The following TMEM131 variants were observed in gnomAD, a reference collection of about 807,000 sequenced individuals.
TMEM131 encodes the protein 2610524E03Rik.
TMEM131 carries 66 observed loss-of-function variants against 211.6 expected under a neutral mutation model. That is an observed-to-expected ratio of 0.31 (90% CI 0.26 to 0.38). The LOEUF (loss-of-function observed/expected upper bound fraction) is 0.38, where lower values mean the gene tolerates loss of function less well. Among genes scored for constraint, TMEM131 ranks in the 10% least tolerant of loss-of-function variants. TMEM131 has a pLI of 1.00. For synonymous variants in TMEM131, 844 were observed against 841.3 expected, an observed-to-expected ratio of 1.00 and a Z score of -0.06; for missense variants, 2,036 against 2,299.3, an observed-to-expected ratio of 0.89 and a Z score of 2.34.
intron 3 of TMEM131, among the ~76,000 whole-genome samples, chr2:97,898,454 T>C (rs1675710305): frequency 6.6e-6 from 1 of 152,070 alleles, no homozygotes; most frequent in East Asian, 1.9e-4. Context: ...TAAGGTTAAA[T>C]GAGGTTATAA....
chr2:97,795,076 T>A lies in TMEM131; in HGVS notation c.3240A>T (p.Glu1080Asp), dbSNP rs773246730. Reference sequence around the variant, plus strand: ...AGCCACTGGTTGTTATAAACTTCAGTTCCCGAATAACTCTAGAAGCTGTAA... The same window carrying A: ...AGCCACTGGTTGTTATAAACTTCAGATCCCGAATAACTCTAGAAGCTGTAA... The part of the protein sequence containing the change: ...PDFTASRVIR[E>D]LKFITTSGSE... The change falls in exon 29 of 41, where the codon GAA becomes GAT. Residue 1080 changes from glutamate (E) to aspartate (D), a missense_variant. Glu to Asp is a conservative substitution (Grantham distance 45, BLOSUM62 2). Coordinates refer to ENST00000186436, the MANE Select transcript of TMEM131 (RefSeq NM_015348.2). 8 of 1,613,868 alleles carry A rather than the reference T, an allele frequency of 5.0e-6. No individual in the cohort carries two copies. In the South Asian group the frequency reaches 7.7e-5, roughly 16 times the overall value.
chr2:97,783,478 G>A (rs932101638), intron 31 of TMEM131, among the ~76,000 whole-genome samples: 1 of 152,180 alleles, frequency 6.6e-6, no homozygotes, highest in East Asian at 1.9e-4. Flanking sequence ...AATGTATGTA[G>A]AGGAAATATT....
chr2:97,882,821 G>C (rs1268008875), intron 4 of TMEM131, among the ~76,000 whole-genome samples: 3 of 152,152 alleles, frequency 2.0e-5, no homozygotes, highest in African/African-American at 7.2e-5. Flanking sequence ...TACTTCTACA[G>C]ATCCACTTCT....
rs146591924 is a variant in TMEM131, at chr2:97,812,408, A to G, written c.1863+13T>C. On this transcript the variant is annotated intron_variant, in intron 17 of 40. Transcript: ENST00000186436. The stretch of plus-strand genomic sequence containing the variant: ...CCATCTTACTTTAAGGAGACAATAG[A>G]AAGTTTACTTACCGATGATTGATCT... The G allele has an allele frequency of 5.6e-6, 9 of 1,595,536 alleles. No individual in the cohort carries two copies. The highest frequency in any genetic ancestry group is 6.8e-6 in the Non-Finnish European group (8 of 1,174,256).
At chr2:97,850,469 G>A (rs913319096) in intron 5 of TMEM131, among the ~76,000 whole-genome samples, 2 of 152,134 alleles carry the variant, frequency 1.3e-5, no homozygotes, top group African/African-American at 4.8e-5. Flanking sequence ...TTCCTTGGTA[G>A]TGTTGAGACC....
chr2:97,854,669 G>T (rs977011747), intron 5 of TMEM131, among the ~76,000 whole-genome samples: 1 of 152,174 alleles, frequency 6.6e-6, no homozygotes, highest in African/African-American at 2.4e-5. Context: ...ACCATAGTTT[G>T]TAAGACCCTT....
At position 97,812,475 on chromosome 2, in the gene TMEM131, T is replaced by G. The variant is rs1320138943; in HGVS notation, c.1809A>C (p.Thr603=). Residue 603 remains threonine, a synonymous_variant, in exon 17 of 41, where the codon ACA becomes ACC. Coordinates refer to ENST00000186436, the MANE Select transcript of TMEM131 (RefSeq NM_015348.2). Reference sequence around the variant, plus strand: ...CAAACTCTGGCAGGCTTGAAATTATTGTAGTTCTATTGCCTCTTTCCACAG... The same window carrying G: ...CAAACTCTGGCAGGCTTGAAATTATGGTAGTTCTATTGCCTCTTTCCACAG... The part of the protein sequence containing the change: ...LVAVERGNRT[T]IISSLPEFEK... 2.3e-5 allele frequency: 37 copies of G among 1,613,220 alleles called. No individual in the cohort carries two copies. Among genetic ancestry groups the G allele is most frequent in the Non-Finnish European group, 2.8e-5 (33 of 1,179,684 alleles).
At chr2:97,791,923 T>C (rs1037442912) in intron 31 of TMEM131, among the ~76,000 whole-genome samples, 9 of 152,182 alleles carry the variant, frequency 5.9e-5, no homozygotes, top group African/African-American at 2.2e-4. Context: ...TACCAACAAA[T>C]GAGCATGGTT....
At chr2:97,815,337 T>G (rs749599904) in intron 12 of TMEM131, 30 bp from the exon 13 acceptor site, 4 of 1,353,208 alleles carry the variant, frequency 3.0e-6, no homozygotes, top group Admixed American at 2.5e-5. Flanking sequence ...ATAATCTCTG[T>G]TACCTTTTAC....
chr2:97,923,723 A>G (rs10168709), intron 2 of TMEM131, among the ~76,000 whole-genome samples: 52,700 of 150,682 alleles, frequency 0.35, 9,986 homozygotes, highest in Middle Eastern at 0.49. Flanking sequence ...TTAAAATTCT[A>G]TTTATTATTC....
chr2:97,963,216 G>A (rs1678899639), intron 1 of TMEM131, among the ~76,000 whole-genome samples: 1 of 152,194 alleles, frequency 6.6e-6, no homozygotes, highest in African/African-American at 2.4e-5. Flanking sequence ...GCTGGCACAA[G>A]TTTAGTCATG....
At chr2:97,846,158 T>G (rs1341402528) in intron 5 of TMEM131, among the ~76,000 whole-genome samples, 5 of 152,182 alleles carry the variant, frequency 3.3e-5, no homozygotes, top group Non-Finnish European at 7.4e-5. Context: ...AAGAAAGAAA[T>G]AATACCTACG....
chr2:97,913,545 T>C (rs1406885876), intron 2 of TMEM131, among the ~76,000 whole-genome samples: 1 of 152,172 alleles, frequency 6.6e-6, no homozygotes, highest in South Asian at 2.1e-4. Context: ...CAATAACCTA[T>C]CCTTGACAGA....
intron 1 of TMEM131, among the ~76,000 whole-genome samples, chr2:97,967,487 G>GGT (rs1298664461): frequency 2.0e-5 from 3 of 151,490 alleles, no homozygotes; most frequent in African/African-American, 7.3e-5. Context: ...AAATTCCCTG[G>GGT]GTACAGACAA....
In TMEM131 at chr2:97,792,864, G is replaced by A; in HGVS notation, c.3666C>T (p.Ser1222=). Residue 1222 remains serine (S), a synonymous_variant, in exon 31 of 41, where the codon AGC becomes AGT. Coordinates refer to ENST00000186436, the MANE Select transcript of TMEM131 (RefSeq NM_015348.2). The stretch of plus-strand genomic sequence containing the variant: ...CAGCTGAGTTTCTATTGCTGTGACT[G>A]CTGTGTGGGTGGACCGATGGGCCAC... ...KQCGPSVHPH[S]SHSNRNSADV... The A allele has an allele frequency of 6.2e-7, 1 of 1,613,756 alleles. No homozygotes were observed. The highest frequency in any genetic ancestry group is 8.5e-7 in the Non-Finnish European group (1 of 1,179,864).
chr2:97,927,602 T>C (rs1559453483), intron 1 of TMEM131, 115 bp from the exon 2 acceptor site: 1 of 732,892 alleles, frequency 1.4e-6, no homozygotes, highest in African/African-American at 1.8e-5. Flanking sequence ...GACTGCTTAA[T>C]GGTGATGGTT....
intron 31 of TMEM131, among the ~76,000 whole-genome samples, chr2:97,784,405 T>C (rs539157132): frequency 2.0e-5 from 3 of 152,152 alleles, no homozygotes; most frequent in African/African-American, 7.2e-5. Flanking sequence ...GTGAAATCAT[T>C]CTCCCAACTA....
intron 3 of TMEM131, among the ~76,000 whole-genome samples, chr2:97,896,696 G>A (rs922301202): frequency 1.3e-5 from 2 of 151,644 alleles, no homozygotes; most frequent in Admixed American, 6.6e-5. Context: ...TGCTGAAAAG[G>A]AGTATTCTTG....
At chr2:97,761,161 A>C (rs1287904144) in intron 36 of TMEM131, 4 of 419,254 alleles carry the variant, frequency 9.5e-6, no homozygotes, top group Non-Finnish European at 1.3e-5. Context: ...CAGGGATCAC[A>C]ATTTAGGGAC....
Sources: gnomAD v4.1 joint callset for allele counts (sites outside exome capture counted in the v4.1 genomes callset) on GRCh38, gnomAD v4.1.1 for gene constraint, MANE v1.5 for transcripts, NCBI Gene and HGNC (gene_info 2026-07-23, HGNC 2026-07-21) for gene names.